The following SLC35A5 variants were observed in gnomAD, a reference collection of about 807,000 sequenced individuals.
SLC35A5 encodes the protein UDP-sugar transporter protein SLC35A5.
A neutral mutation model predicts 36.3 loss-of-function variants in SLC35A5; 28 were observed. The ratio of observed to expected loss-of-function variants is 0.77; its 90% CI spans 0.57 to 1.06. SLC35A5 has a LOEUF of 1.06. SLC35A5 is among the 50% of genes least tolerant of loss of function. The probability of loss-of-function intolerance (pLI) is 0.00; values close to 1 mark genes in which losing one functional copy is unlikely to be tolerated. For missense variants in SLC35A5, 521 were observed against 499.3 expected, an observed-to-expected ratio of 1.04 and a Z score of -0.41; for synonymous variants, 180 against 173.7, an observed-to-expected ratio of 1.04 and a Z score of -0.29.
intron 2 of SLC35A5, among the ~76,000 whole-genome samples, chr3:112,564,991 G>T (rs1934129733): frequency 6.6e-6 from 1 of 152,116 alleles, no homozygotes; most frequent in African/African-American, 2.4e-5. Context: ...GTAACAATCT[G>T]ATCTCTCTTT....
chr3:112,578,154 C>T (rs1030993277), intron 5 of SLC35A5, among the ~76,000 whole-genome samples: 1 of 152,052 alleles, frequency 6.6e-6, no homozygotes, highest in Non-Finnish European at 1.5e-5. Flanking sequence ...TAAAGCCCCC[C>T]CTTTGAGTAT....
chr3:112,582,575 A>T (rs909894843), intron 6 of SLC35A5, 96 bp from the exon 7 acceptor site: 2 of 769,848 alleles, frequency 2.6e-6, no homozygotes, highest in African/African-American at 3.6e-5. Flanking sequence ...CTATAGCTTA[A>T]TGAGGTAAGA....
chr3:112,572,050 C>T (rs1228854243), intron 4 of SLC35A5, among the ~76,000 whole-genome samples: 3 of 147,200 alleles, frequency 2.0e-5, no homozygotes, highest in African/African-American at 7.5e-5. Context: ...TCACGCCATT[C>T]TCCTGCCTCA....
At chr3:112,564,969 TAC>T (rs760156129) in intron 2 of SLC35A5, among the ~76,000 whole-genome samples, 1 of 152,216 alleles carries the variant, frequency 6.6e-6, no homozygotes, top group African/African-American at 2.4e-5. Flanking sequence ...TACTTCTTTC[TAC>T]ACAGACACAG....
chr3:112,561,654 GGGGACGGGACGCGACGCGAC>G, upstream of SLC35A5: 1 of 988,496 alleles, frequency 1.0e-6, no homozygotes, highest in Non-Finnish European at 1.5e-6. Flanking sequence ...CAGCACCCGA[GGGGACGGGACGCGACGCGAC>G]GGGACGGGCG....
chr3:112,571,307 A>AT (rs1934423734), intron 4 of SLC35A5, among the ~76,000 whole-genome samples: 1 of 152,130 alleles, frequency 6.6e-6, no homozygotes, highest in African/African-American at 2.4e-5. Flanking sequence ...GCTTTCACTT[A>AT]TTACTCAGTT....
chr3:112,562,628 C>G (rs113852316), intron 1 of SLC35A5, among the ~76,000 whole-genome samples: 2 of 152,228 alleles, frequency 1.3e-5, no homozygotes, highest in Non-Finnish European at 2.9e-5. Context: ...TTCAGTAAAA[C>G]TTTACAGCAG....
intron 5 of SLC35A5, among the ~76,000 whole-genome samples, 174 bp from the exon 6 acceptor site, chr3:112,580,370 CAT>C: frequency 6.6e-6 from 1 of 152,262 alleles, no homozygotes; most frequent in East Asian, 1.9e-4. Flanking sequence ...TGAATTAAAA[CAT>C]TAAATTTGAG....
chr3:112,563,931 A>T (rs1934070452), intron 2 of SLC35A5, among the ~76,000 whole-genome samples: 1 of 152,270 alleles, frequency 6.6e-6, no homozygotes. Context: ...GTAAGGTGTC[A>T]GCATTATATT....
intron 2 of SLC35A5, among the ~76,000 whole-genome samples, chr3:112,566,516 G>A (rs1006952415): frequency 3.9e-5 from 6 of 152,176 alleles, no homozygotes; most frequent in South Asian, 2.1e-4. Flanking sequence ...GCCAAACTCC[G>A]AGGAATGCCA....
chr3:112,578,681 G>C (rs929853278), intron 5 of SLC35A5, among the ~76,000 whole-genome samples: 5 of 151,994 alleles, frequency 3.3e-5, no homozygotes, highest in African/African-American at 1.2e-4. Flanking sequence ...ACGTTCCTTA[G>C]AGCATTACCT....
Position 112,585,444 on chromosome 3 carries a change from A to G in SLC35A5, c.*2708A>G, listed in dbSNP as rs746239262. On this transcript the variant is annotated 3_prime_UTR_variant, in exon 7 of 7. Coordinates refer to ENST00000492406, the MANE Select transcript of SLC35A5 (RefSeq NM_017945.5). ...AGGGTTGACAAAATATGTATTGGGT[A>G]CAATGTTCACTGTTTGAGTGATGGG... The G allele has an allele frequency of 5.9e-5, 9 of 152,200 alleles. No individual in the cohort carries two copies. Among genetic ancestry groups the G allele is most frequent in the African/African-American group, 1.2e-4 (5 of 41,432 alleles). The allele number at this position is 152,200 out of a possible 1,614,324, so 9.4% of individuals were successfully genotyped here.
chr3:112,562,452 G>C (rs1933962601), intron 1 of SLC35A5, among the ~76,000 whole-genome samples, 179 bp downstream of exon 1: 1 of 152,188 alleles, frequency 6.6e-6, no homozygotes. Context: ...GTCAGTATTG[G>C]CATTTCTCCC....
In SLC35A5 at chr3:112,583,019, C is replaced by G; in HGVS notation, c.*283C>G. On this transcript the variant is annotated 3_prime_UTR_variant, in exon 7 of 7. Transcript: ENST00000492406. Reference sequence around the variant, plus strand: ...TGTGCAGATTATTTTCCTTGGCCTTCAAGCTTCCAAAAAACTTGTAATAAT... The same window carrying G: ...TGTGCAGATTATTTTCCTTGGCCTTGAAGCTTCCAAAAAACTTGTAATAAT... 2.3e-6 allele frequency: 1 copy of G among 438,708 alleles called. No homozygotes were observed. The highest frequency in any genetic ancestry group is 4.0e-6 in the Non-Finnish European group (1 of 250,148). The allele number at this position is 438,708 out of a possible 1,614,324, so 27.2% of individuals were successfully genotyped here. A position where few individuals can be genotyped will look rare whatever the true frequency, so the allele number is the denominator to read the frequency against.
chr3:112,582,132 G>A (rs1934956008), intron 6 of SLC35A5, among the ~76,000 whole-genome samples: 1 of 152,094 alleles, frequency 6.6e-6, no homozygotes, highest in Admixed American at 6.6e-5. Flanking sequence ...ATTTTATACA[G>A]TGAACATTTC....
intron 5 of SLC35A5, among the ~76,000 whole-genome samples, chr3:112,578,754 T>C (rs1376569525): frequency 2.0e-5 from 3 of 152,228 alleles, no homozygotes; most frequent in Non-Finnish European, 4.4e-5. Context: ...TTTTTCTTAA[T>C]ATTAGTGAAA....
chr3:112,561,596 G>A (rs1933886217), upstream of SLC35A5: 17 of 1,477,152 alleles, frequency 1.2e-5, no homozygotes, highest in South Asian at 1.5e-4. Context: ...GGGCCAGGGA[G>A]TCAGAAAATG....
At chr3:112,576,294 A>G (rs1018703154) in intron 5 of SLC35A5, among the ~76,000 whole-genome samples, 2 of 150,840 alleles carry the variant, frequency 1.3e-5, no homozygotes, top group African/African-American at 4.9e-5. Context: ...CGCCTGGCTA[A>G]TTTTTTGTAT....
At chr3:112,573,627 A>G (rs1934544541) in intron 4 of SLC35A5, among the ~76,000 whole-genome samples, 1 of 152,256 alleles carries the variant, frequency 6.6e-6, no homozygotes, top group South Asian at 2.1e-4. Flanking sequence ...TCTAAACCTA[A>G]ACCTTTAGAA....
Sources: gnomAD v4.1 joint callset for allele counts (sites outside exome capture counted in the v4.1 genomes callset) on GRCh38, gnomAD v4.1.1 for gene constraint, MANE v1.5 for transcripts, NCBI Gene and HGNC (gene_info 2026-07-23, HGNC 2026-07-21) for gene names.